The following IL1RAPL1 variants were observed in gnomAD, a reference collection of about 807,000 sequenced individuals.
The protein encoded by IL1RAPL1 is interleukin-1 receptor accessory protein-like 1.
IL1RAPL1 carries 3 observed loss-of-function variants against 48.4 expected under a neutral mutation model. The observed-to-expected ratio is 0.06, with a 90% CI of 0.03 to 0.16. The LOEUF is 0.16. Among genes scored for constraint, IL1RAPL1 ranks in the 10% least tolerant of loss-of-function variants. The pLI, the probability that IL1RAPL1 is intolerant of heterozygous loss-of-function variation, is 1.00. For missense variants in IL1RAPL1, 349 were observed against 530.6 expected (o/e 0.66, Z 3.36); for synonymous variants, 185 against 187.7 (o/e 0.99, Z 0.12).
chrX:28,904,186 T>C (rs984509755), intron 2 of IL1RAPL1, among the ~76,000 whole-genome samples: 2 of 111,294 alleles, frequency 1.8e-5, no homozygotes, highest in African/African-American at 6.5e-5. Context: ...TTTATAAAAA[T>C]TAAATTGTTT....
chrX:29,591,697 G>A (rs1923377038), intron 5 of IL1RAPL1, among the ~76,000 whole-genome samples: 1 of 112,668 alleles, frequency 8.9e-6, no homozygotes, highest in African/African-American at 3.2e-5. Flanking sequence ...CTGCTGTTAG[G>A]GAAGGAGACA....
intron 5 of IL1RAPL1, among the ~76,000 whole-genome samples, chrX:29,632,672 G>T (rs1924819129): frequency 8.9e-6 from 1 of 112,040 alleles, no homozygotes; most frequent in African/African-American, 3.2e-5. Context: ...GTGTAGGCAA[G>T]GAGGAACCTC....
chrX:29,569,448 A>G (rs1922519439), intron 5 of IL1RAPL1, among the ~76,000 whole-genome samples: 1 of 111,349 alleles, frequency 9.0e-6, no homozygotes, highest in African/African-American at 3.3e-5. Context: ...GGTTAAGAAT[A>G]AGAAAATGCC....
chrX:29,789,097 T>C (rs1929571745), intron 6 of IL1RAPL1, among the ~76,000 whole-genome samples: 2 of 112,223 alleles, frequency 1.8e-5, no homozygotes, highest in Admixed American at 1.9e-4. Context: ...ACAAAGGAAA[T>C]AAATGCGCAT....
chrX:29,941,238 A>G lies in IL1RAPL1; in HGVS notation c.1058-413A>G, dbSNP rs191345418. Among the ~76,000 whole-genome samples the G allele has an allele frequency of 7.1e-3, 799 of 112,217 alleles. 2 individuals are homozygous for G. Among genetic ancestry groups the G allele is most frequent in the Middle Eastern group, 0.018 (4 of 217 alleles). ...ATCCTGGCTTAAAAGCTTCATATCC[A>G]CAGGAATCAGTATTTATTTTATCAA... On this transcript the variant is annotated intron_variant, in intron 8 of 10. Transcript: ENST00000378993.
At chrX:29,406,462 ATCTGTGG>A (rs1673938946) in intron 5 of IL1RAPL1, among the ~76,000 whole-genome samples, 1 of 110,570 alleles carries the variant, frequency 9.0e-6, no homozygotes, top group African/African-American at 3.3e-5. Context: ...TATATTACCC[ATCTGTGG>A]GTATCGTGGA....
chrX:29,915,061 C>T (rs1457240800), intron 6 of IL1RAPL1, among the ~76,000 whole-genome samples: 1 of 109,263 alleles, frequency 9.2e-6, no homozygotes, highest in African/African-American at 3.5e-5. Flanking sequence ...TTTGGGAGGC[C>T]AAGGCGGGCA....
At chrX:29,555,496 A>G (rs1381461494) in intron 5 of IL1RAPL1, among the ~76,000 whole-genome samples, 2 of 112,148 alleles carry the variant, frequency 1.8e-5, no homozygotes, top group Non-Finnish European at 3.8e-5. Context: ...ATTCCTGTTC[A>G]TGCACAGTGC....
At chrX:28,705,275 G>A (rs983942563) in intron 1 of IL1RAPL1, among the ~76,000 whole-genome samples, 1 of 111,319 alleles carries the variant, frequency 9.0e-6, no homozygotes, top group Non-Finnish European at 1.9e-5. Flanking sequence ...CACAGTGCCT[G>A]GGACAAATGT....
At chrX:29,414,045 A>G (rs754692611) in intron 5 of IL1RAPL1, among the ~76,000 whole-genome samples, 102 of 110,939 alleles carry the variant, frequency 9.2e-4, no homozygotes, top group Admixed American at 2.3e-3. Flanking sequence ...CAATAATATT[A>G]TTTTCTATTT....
chrX:28,595,351 G>A (rs1483428828), intron 1 of IL1RAPL1, among the ~76,000 whole-genome samples: 1 of 112,227 alleles, frequency 8.9e-6, no homozygotes, highest in East Asian at 2.8e-4. Context: ...ATGAATCATC[G>A]TTAATATGCT....
At chrX:29,443,713 C>T (rs989374312) in intron 5 of IL1RAPL1, among the ~76,000 whole-genome samples, 3 of 111,741 alleles carry the variant, frequency 2.7e-5, no homozygotes, top group South Asian at 3.8e-4. Context: ...ATGGTGGGGT[C>T]GTCAATTTGG....
At chrX:29,000,789 A>G (rs1410432894) in intron 2 of IL1RAPL1, among the ~76,000 whole-genome samples, 1 of 108,731 alleles carries the variant, frequency 9.2e-6, no homozygotes, top group African/African-American at 3.3e-5. Context: ...ATTTTGTGGT[A>G]GTTCTCTTTT....
chrX:29,166,511 G>A (rs1313924352), intron 2 of IL1RAPL1, among the ~76,000 whole-genome samples: 1 of 111,337 alleles, frequency 9.0e-6, no homozygotes, highest in Non-Finnish European at 1.9e-5. Flanking sequence ...ACAATCTTCT[G>A]AACAATTGAA....
chrX:29,380,313 C>T (rs924551431), intron 3 of IL1RAPL1, among the ~76,000 whole-genome samples: 14 of 112,011 alleles, frequency 1.2e-4, no homozygotes, highest in Admixed American at 5.7e-4. Context: ...CTGCAACCTC[C>T]GCCTCTCGGG....
chrX:28,798,193 T>C lies in IL1RAPL1; in HGVS notation c.82+8768T>C, dbSNP rs182793988. 2.8e-3 allele frequency among the ~76,000 whole-genome samples: 309 copies of C among 111,333 alleles called. 1 individual carries two copies. The highest frequency in any genetic ancestry group is 5.3e-3 in the Non-Finnish European group (279 of 53,052). ...CACAGCCAAACCATATCAATGTTTATTGTAGAGATAGCATACAGGCATTCA... is the reference window on the plus strand; with the variant it reads ...CACAGCCAAACCATATCAATGTTTACTGTAGAGATAGCATACAGGCATTCA... On this transcript the variant is annotated intron_variant, in intron 2 of 10. Coordinates refer to ENST00000378993, the MANE Select transcript of IL1RAPL1 (RefSeq NM_014271.4).
At chrX:29,140,584 T>C (rs1024951674) in intron 2 of IL1RAPL1, among the ~76,000 whole-genome samples, 3 of 112,257 alleles carry the variant, frequency 2.7e-5, no homozygotes, top group Non-Finnish European at 5.6e-5. Flanking sequence ...TAGGATAGTT[T>C]CTGTGTAAGA....
intron 6 of IL1RAPL1, among the ~76,000 whole-genome samples, chrX:29,689,411 A>C (rs7473411): frequency 8.9e-6 from 1 of 112,115 alleles, no homozygotes; most frequent in East Asian, 2.8e-4. Context: ...TCACAAAAAT[A>C]AAAAATAAAA....
At chrX:29,575,803 C>G (rs1922755675) in intron 5 of IL1RAPL1, among the ~76,000 whole-genome samples, 1 of 111,909 alleles carries the variant, frequency 8.9e-6, no homozygotes, top group Non-Finnish European at 1.9e-5. Context: ...AACAATTTCC[C>G]CATCTCAATA....
Sources: gnomAD v4.1 joint callset for allele counts (sites outside exome capture counted in the v4.1 genomes callset) on GRCh38, gnomAD v4.1.1 for gene constraint, MANE v1.5 for transcripts, NCBI Gene and HGNC (gene_info 2026-07-23, HGNC 2026-07-21) for gene names.